KCNMB2: variants seen among roughly 807,000 people sequenced by gnomAD.
KCNMB2 encodes the protein potassium calcium-activated channel subfamily M regulatory beta subunit 2.
Under a neutral mutation model 24.5 loss-of-function variants are expected in KCNMB2, and 9 were observed. The ratio of observed to expected loss-of-function variants is 0.37; its 90% CI spans 0.22 to 0.64. The LOEUF (loss-of-function observed/expected upper bound fraction) is 0.64, where lower values mean the gene tolerates loss of function less well. Ranked by LOEUF, KCNMB2 falls within the 30% of genes least tolerant of loss-of-function variation. The pLI is 0.63. For synonymous variants in KCNMB2, 109 were observed against 104.4 expected (o/e 1.04, Z -0.27); for missense variants, 226 against 284.3 (o/e 0.79, Z 1.47).
At chr3:178,587,411 T>C (rs1048651902) in intron 1 of KCNMB2, among the ~76,000 whole-genome samples, 6 of 151,972 alleles carry the variant, frequency 3.9e-5, no homozygotes, top group African/African-American at 1.4e-4. Context: ...CTCAGGAGAT[T>C]ATCTTTTCCA....
At position 178,696,055 on chromosome 3, in the gene KCNMB2, C is replaced by T. The variant is rs113932886; in HGVS notation, c.-67-111288C>T. On this transcript the variant is annotated intron_variant, in intron 1 of 4. Coordinates refer to ENST00000452583, the MANE Select transcript of KCNMB2 (RefSeq NM_181361.3). ...TCACAGTTCAGCTTGGCTGGGAGGC[C>T]TCAGGAAACTTACAATTGTGGTGGA... Among the ~76,000 whole-genome samples, 253 of 152,282 alleles carry T rather than the reference C, an allele frequency of 1.7e-3. 1 individual carries two copies. Among genetic ancestry groups the T allele is most frequent in the African/African-American group, 5.8e-3 (242 of 41,564 alleles).
At chr3:178,566,665 C>T (rs963226351) in intron 1 of KCNMB2, among the ~76,000 whole-genome samples, 3 of 90,552 alleles carry the variant, frequency 3.3e-5, no homozygotes, top group Non-Finnish European at 6.3e-5. Flanking sequence ...TTAAATCAAG[C>T]AAACATAAAA....
At chr3:178,625,417 A>T (rs1166619744) in intron 1 of KCNMB2, among the ~76,000 whole-genome samples, 1 of 152,202 alleles carries the variant, frequency 6.6e-6, no homozygotes, top group Non-Finnish European at 1.5e-5. Context: ...GCCCGCCCCT[A>T]GGCCTTCACC....
intron 1 of KCNMB2, among the ~76,000 whole-genome samples, chr3:178,783,769 T>C (rs538945634): frequency 5.4e-4 from 82 of 152,270 alleles, no homozygotes; most frequent in African/African-American, 1.9e-3. Context: ...CTTTTCCTAA[T>C]TGAATACCCT....
chr3:178,758,155 T>C (rs201535481), intron 1 of KCNMB2, among the ~76,000 whole-genome samples: 4,224 of 58,506 alleles, frequency 0.072, 658 homozygotes, highest in Middle Eastern at 0.13. Flanking sequence ...TATATATATA[T>C]ATCCAAGAGG....
intron 1 of KCNMB2, among the ~76,000 whole-genome samples, chr3:178,538,546 TC>T (rs1489044382): frequency 1.3e-5 from 2 of 152,260 alleles, no homozygotes; most frequent in African/African-American, 4.8e-5. Flanking sequence ...ACCGATATCT[TC>T]TGAATCTAAT....
At chr3:178,834,669 A>T (rs1242684290) in intron 4 of KCNMB2, among the ~76,000 whole-genome samples, 1 of 152,086 alleles carries the variant, frequency 6.6e-6, no homozygotes, top group African/African-American at 2.4e-5. Flanking sequence ...GGCGTGGAGG[A>T]GGGGAATATG....
intron 1 of KCNMB2, among the ~76,000 whole-genome samples, chr3:178,622,538 CA>C (rs1400239925): frequency 7.9e-5 from 12 of 152,314 alleles, no homozygotes; most frequent in African/African-American, 2.9e-4. Context: ...TCCTGACTCT[CA>C]AACTACCCAA....
Position 178,811,540 on chromosome 3 carries a change from T to A in KCNMB2, c.56+4075T>A, listed in dbSNP as rs374894744. Among the ~76,000 whole-genome samples, 52 of 152,308 alleles carry A rather than the reference T, an allele frequency of 3.4e-4. 1 individual carries two copies. In the South Asian group the frequency reaches 0.011, roughly 31 times the overall value. ...TATGATTTACCAATGCTGGCGTGAG[T>A]CGCTGCAGTTCATTTTATCTGCTAT... On this transcript the variant is annotated intron_variant, in intron 2 of 4. Coordinates refer to ENST00000452583, the MANE Select transcript of KCNMB2 (RefSeq NM_181361.3).
intron 1 of KCNMB2, among the ~76,000 whole-genome samples, chr3:178,564,093 CAT>C (rs937261447): frequency 2.6e-5 from 4 of 151,940 alleles, no homozygotes; most frequent in African/African-American, 9.7e-5. Flanking sequence ...GCTTGACCAA[CAT>C]GGTGAAAGCC....
At chr3:178,699,863 T>G (rs1448203035) in intron 1 of KCNMB2, among the ~76,000 whole-genome samples, 1 of 152,226 alleles carries the variant, frequency 6.6e-6, no homozygotes, top group Non-Finnish European at 1.5e-5. Context: ...CTACCTCAAG[T>G]GTCATGTGGT....
At chr3:178,587,904 A>G (rs1167103786) in intron 1 of KCNMB2, among the ~76,000 whole-genome samples, 1 of 66,104 alleles carries the variant, frequency 1.5e-5, no homozygotes, top group Non-Finnish European at 2.8e-5. Flanking sequence ...CCCACCCCAC[A>G]ACAGGCCCCG....
chr3:178,568,865 TA>T (rs747785466), intron 1 of KCNMB2, among the ~76,000 whole-genome samples: 47 of 126,804 alleles, frequency 3.7e-4, no homozygotes, highest in Non-Finnish European at 6.9e-4. Flanking sequence ...GATAGATAGA[TA>T]GATAGATAGA....
rs541651863 is a variant in KCNMB2, at chr3:178,590,770, T to C, written c.-68+54059T>C. Among the ~76,000 whole-genome samples, 5 of 152,324 alleles carry C rather than the reference T, an allele frequency of 3.3e-5. No homozygotes were observed. In the South Asian group the frequency reaches 1.0e-3, roughly 32 times the overall value. ...ACTAAGAGTACATCATGACTGGTCATGACTGAGTGTATCATGCCAGTGCCC... is the reference window on the plus strand; with the variant it reads ...ACTAAGAGTACATCATGACTGGTCACGACTGAGTGTATCATGCCAGTGCCC... On this transcript the variant is annotated intron_variant, in intron 1 of 4. Coordinates refer to ENST00000452583, the MANE Select transcript of KCNMB2 (RefSeq NM_181361.3).
chr3:178,672,262 C>T (rs543997907), intron 1 of KCNMB2, among the ~76,000 whole-genome samples: 4 of 152,268 alleles, frequency 2.6e-5, no homozygotes, highest in African/African-American at 9.6e-5. Flanking sequence ...CCTTACCACA[C>T]CCCTGTGAGG....
At chr3:178,678,661 A>G (rs1721155798) in intron 1 of KCNMB2, among the ~76,000 whole-genome samples, 1 of 152,212 alleles carries the variant, frequency 6.6e-6, no homozygotes, top group South Asian at 2.1e-4. Flanking sequence ...GACTTCACCT[A>G]TTGGGGATGC....
In KCNMB2 at chr3:178,692,416, T is replaced by C. The variant is rs1019255191; in HGVS notation, c.-67-114927T>C. 5.0e-4 allele frequency among the ~76,000 whole-genome samples: 76 copies of C among 152,260 alleles called. 1 individual carries two copies. The highest frequency in any genetic ancestry group is 1.8e-3 in the African/African-American group (75 of 41,462). ...TCATTAATCCATCTTGAGTTAATTT[T>C]TGCATATGGTATAAGGAAGGGGTCC... On this transcript the variant is annotated intron_variant, in intron 1 of 4. Coordinates refer to ENST00000452583, the MANE Select transcript of KCNMB2 (RefSeq NM_181361.3).
chr3:178,558,419 G>A (rs1334843573), intron 1 of KCNMB2, among the ~76,000 whole-genome samples: 1 of 152,208 alleles, frequency 6.6e-6, no homozygotes, highest in Non-Finnish European at 1.5e-5. Flanking sequence ...ACAAGGATAG[G>A]AGCTGCAATT....
intron 1 of KCNMB2, among the ~76,000 whole-genome samples, chr3:178,803,254 T>A (rs1011275719): frequency 6.6e-6 from 1 of 152,144 alleles, no homozygotes; most frequent in Non-Finnish European, 1.5e-5. Flanking sequence ...CTCACTTATC[T>A]TTTCATCAGG....
Sources: allele counts gnomAD v4.1 joint callset (sites outside exome capture counted in the v4.1 genomes callset), GRCh38; gene constraint gnomAD v4.1.1; transcripts MANE v1.5; gene names NCBI Gene and HGNC (gene_info 2026-07-23, HGNC 2026-07-21).